Variants in PDE4D observed in about 807,000 individuals in gnomAD.
The protein encoded by PDE4D is phosphodiesterase 4D.
In PDE4D, 24 loss-of-function variants were observed where a neutral mutation model predicts 87.4. That is an observed-to-expected ratio of 0.27 (90% confidence interval 0.20 to 0.39). The LOEUF (loss-of-function observed/expected upper bound fraction) is 0.39, where lower values mean the gene tolerates loss of function less well. Among genes scored for constraint, PDE4D ranks in the 10% least tolerant of loss-of-function variants. The probability of loss-of-function intolerance (pLI) is 1.00; values close to 1 mark genes in which losing one functional copy is unlikely to be tolerated. For missense variants in PDE4D, 714 were observed against 1,041.0 expected (o/e 0.69, Z 4.32); for synonymous variants, 384 against 383.2 (o/e 1.00, Z -0.02).
chr5:59,908,943 T>C (rs1026955847), intron 3 of PDE4D, among the ~76,000 whole-genome samples: 4 of 152,240 alleles, frequency 2.6e-5, no homozygotes, highest in African/African-American at 9.6e-5. Context: ...ACCCATCATT[T>C]GATCTTATAT....
intron 2 of PDE4D, among the ~76,000 whole-genome samples, chr5:60,069,901 T>A (rs1208618395): frequency 6.6e-6 from 1 of 152,156 alleles, no homozygotes. Flanking sequence ...TTAGTTAGGT[T>A]TAGGTGTATT....
chr5:60,511,117 T>G (rs544196031), intron 1 of PDE4D, among the ~76,000 whole-genome samples: 3 of 152,038 alleles, frequency 2.0e-5, no homozygotes, highest in African/African-American at 7.2e-5. Context: ...TTATAGGTGC[T>G]TGCCACCATG....
chr5:59,746,961 C>T (rs1759702113), intron 1 of PDE4D, among the ~76,000 whole-genome samples: 2 of 152,138 alleles, frequency 1.3e-5, no homozygotes, highest in South Asian at 4.1e-4. Flanking sequence ...TTTCTACTGA[C>T]CTAAAGGTCT....
intron 2 of PDE4D, among the ~76,000 whole-genome samples, chr5:60,034,061 C>A (rs557345931): frequency 6.6e-6 from 1 of 152,204 alleles, no homozygotes; most frequent in African/African-American, 2.4e-5. Context: ...AGAGGATAAG[C>A]AGGAATTTGC....
intron 1 of PDE4D, among the ~76,000 whole-genome samples, chr5:59,770,366 A>G (rs1308980671): frequency 6.6e-6 from 1 of 152,198 alleles, no homozygotes; most frequent in African/African-American, 2.4e-5. Flanking sequence ...CAATACTTAG[A>G]AAAACATACC....
chr5:59,414,360 T>C (rs1443738554), intron 1 of PDE4D, among the ~76,000 whole-genome samples: 1 of 152,234 alleles, frequency 6.6e-6, no homozygotes, highest in Non-Finnish European at 1.5e-5. Flanking sequence ...ACACAGTGAA[T>C]TGCATCATGC....
At chr5:59,111,773 C>T (rs182182545) in intron 5 of PDE4D, among the ~76,000 whole-genome samples, 5 of 152,308 alleles carry the variant, frequency 3.3e-5, no homozygotes, top group Admixed American at 2.0e-4. Context: ...GAAAACAAGG[C>T]TCTTAATGGG....
intron 2 of PDE4D, among the ~76,000 whole-genome samples, chr5:60,051,035 A>G (rs1770082579): frequency 1.3e-5 from 2 of 152,228 alleles, no homozygotes; most frequent in African/African-American, 4.8e-5. Context: ...TCAGATTCAT[A>G]AAGCAAGTTT....
At chr5:60,206,371 C>A (rs1237072215) in intron 1 of PDE4D, among the ~76,000 whole-genome samples, 3 of 152,232 alleles carry the variant, frequency 2.0e-5, no homozygotes, top group African/African-American at 7.2e-5. Flanking sequence ...GATTTCCCAA[C>A]CTTTTCTAGT....
At chr5:59,576,576 C>G (rs1823197938) in intron 1 of PDE4D, among the ~76,000 whole-genome samples, 1 of 151,980 alleles carries the variant, frequency 6.6e-6, no homozygotes. Flanking sequence ...AAGTACAACA[C>G]CATGCTGGGT....
chr5:60,015,939 G>A (rs996504629), intron 2 of PDE4D, among the ~76,000 whole-genome samples: 6 of 150,754 alleles, frequency 4.0e-5, no homozygotes, highest in African/African-American at 1.5e-4. Flanking sequence ...CCAGGCTGGA[G>A]TGCAGTGGCA....
intron 2 of PDE4D, among the ~76,000 whole-genome samples, chr5:60,088,059 A>G (rs2548659): frequency 0.28 from 43,183 of 151,998 alleles, 7,017 homozygotes; most frequent in East Asian, 0.74. Context: ...CGGATTTCTC[A>G]GAGAAACTTA....
intron 1 of PDE4D, among the ~76,000 whole-genome samples, chr5:59,734,205 T>A (rs1050763292): frequency 1.3e-5 from 2 of 152,148 alleles, no homozygotes; most frequent in Non-Finnish European, 2.9e-5. Context: ...GCATTCATTT[T>A]TTTTTTCTTA....
intron 1 of PDE4D, among the ~76,000 whole-genome samples, chr5:59,305,224 G>C (rs938953531): frequency 5.9e-5 from 9 of 152,014 alleles, no homozygotes; most frequent in African/African-American, 2.2e-4. Context: ...TATTTCAGTG[G>C]TGTCAGTTGT....
chr5:60,084,997 T>C (rs772706256), intron 2 of PDE4D, among the ~76,000 whole-genome samples: 19 of 152,330 alleles, frequency 1.2e-4, no homozygotes, highest in Non-Finnish European at 2.1e-4. Context: ...TGTTACGAGA[T>C]ATTTTGAATA....
chr5:60,041,937 T>C (rs540001648), intron 2 of PDE4D, among the ~76,000 whole-genome samples: 2 of 150,962 alleles, frequency 1.3e-5, no homozygotes, highest in African/African-American at 2.4e-5. Flanking sequence ...CAGTGGCACC[T>C]GGAAGGCCAG....
At chr5:60,077,381 C>A (rs762810219) in intron 2 of PDE4D, among the ~76,000 whole-genome samples, 10 of 152,136 alleles carry the variant, frequency 6.6e-5, no homozygotes, top group South Asian at 2.1e-4. Flanking sequence ...ATGGGGGACG[C>A]TGCAGTTGTG....
At chr5:60,256,761 G>A (rs899322171) in intron 1 of PDE4D, among the ~76,000 whole-genome samples, 10 of 151,904 alleles carry the variant, frequency 6.6e-5, no homozygotes, top group African/African-American at 1.7e-4. Flanking sequence ...GGCAAATGTC[G>A]AAAGAAGTAA....
At chr5:60,043,568 G>C (rs1768779515) in intron 2 of PDE4D, among the ~76,000 whole-genome samples, 1 of 151,918 alleles carries the variant, frequency 6.6e-6, no homozygotes. Context: ...TACTCACAAA[G>C]GGAAGCACAT....
Sources: allele counts gnomAD v4.1 joint callset (sites outside exome capture counted in the v4.1 genomes callset), GRCh38; gene constraint gnomAD v4.1.1; transcripts MANE v1.5; gene names NCBI Gene and HGNC (gene_info 2026-07-23, HGNC 2026-07-21).